INPP4B: variants seen among roughly 807,000 people sequenced by gnomAD.
INPP4B encodes the protein inositol polyphosphate 4-phosphatase type II.
In INPP4B, 55 loss-of-function variants were observed where a neutral mutation model predicts 122.5. The ratio of observed to expected loss-of-function variants is 0.45; its 90% CI spans 0.36 to 0.56. The LOEUF is 0.56. Among genes scored for constraint, INPP4B ranks in the 20% least tolerant of loss-of-function variants. The pLI is 0.00. For synonymous variants in INPP4B, 403 were observed against 388.7 expected, an observed-to-expected ratio of 1.04 and a Z score of -0.43; for missense variants, 1,000 against 1,097.7, an observed-to-expected ratio of 0.91 and a Z score of 1.26.
At chr4:142,065,678 G>T (rs1374275059) in intron 25 of INPP4B, among the ~76,000 whole-genome samples, 1 of 152,296 alleles carries the variant, frequency 6.6e-6, no homozygotes, top group South Asian at 2.1e-4. Context: ...GGGCTGGGGG[G>T]ATGGCATTTG....
chr4:142,712,412 T>C (rs1020786952), intron 2 of INPP4B, among the ~76,000 whole-genome samples: 1 of 152,228 alleles, frequency 6.6e-6, no homozygotes, highest in African/African-American at 2.4e-5. Context: ...TGCAGATACC[T>C]ATACATGAGC....
rs375923393 is a variant in INPP4B at position 142,226,292 on chromosome 4, T to A, written c.836+11572A>T. 3.3e-5 allele frequency among the ~76,000 whole-genome samples: 5 copies of A among 151,048 alleles called. No individual in the cohort carries two copies. In the East Asian group the frequency reaches 9.6e-4, roughly 29 times the overall value. ...ATACACATAGGATCTCTATGCTGTT[T>A]TCAACATAAACTGTTGCTGTTGCTG... On this transcript the variant is annotated intron_variant, in intron 12 of 25. Transcript: ENST00000262992.
intron 1 of INPP4B, among the ~76,000 whole-genome samples, chr4:142,796,507 A>T (rs923471234): frequency 6.6e-6 from 1 of 151,984 alleles, no homozygotes; most frequent in Non-Finnish European, 1.5e-5. Flanking sequence ...GGTTGATAGC[A>T]GGCAAAAGGG....
chr4:142,432,568 C>T (rs1363893718), intron 3 of INPP4B, among the ~76,000 whole-genome samples: 3 of 152,064 alleles, frequency 2.0e-5, no homozygotes, highest in African/African-American at 7.2e-5. Flanking sequence ...AATAATAAAG[C>T]TTGAACAGCG....
rs112355595 is a variant in INPP4B at position 142,493,764 on chromosome 4, CT to C, written c.-190-31039del. Among the ~76,000 whole-genome samples, 1,087 of 152,146 alleles carry C rather than the reference CT, an allele frequency of 7.1e-3. 15 individuals carry two copies. Among genetic ancestry groups the C allele is most frequent in the African/African-American group, 0.025 (1,029 of 41,506 alleles). ...CTCAGATGAGACTTTGGACTTGTAC[CT>C]TTGGGTTAATGCTTGAATGAGCTAA... On this transcript the variant is annotated intron_variant, in intron 2 of 25. Coordinates refer to ENST00000262992, the MANE Select transcript of INPP4B (RefSeq NM_001101669.3).
chr4:142,325,732 C>T (rs937197140), intron 7 of INPP4B, among the ~76,000 whole-genome samples: 8 of 152,096 alleles, frequency 5.3e-5, no homozygotes, highest in African/African-American at 9.7e-5. Context: ...TAATTGGTGG[C>T]GCTTTAAAAC....
intron 15 of INPP4B, among the ~76,000 whole-genome samples, chr4:142,190,584 A>T (rs1835344614): frequency 6.6e-6 from 1 of 152,092 alleles, no homozygotes; most frequent in African/African-American, 2.4e-5. Flanking sequence ...GTTGTTTTTT[A>T]TTTCTTTTAA....
intron 3 of INPP4B, among the ~76,000 whole-genome samples, chr4:142,458,546 A>G (rs1219521367): frequency 1.3e-5 from 2 of 152,150 alleles, no homozygotes; most frequent in Non-Finnish European, 2.9e-5. Flanking sequence ...AAACAGCCTA[A>G]GAGAGGAACA....
chr4:142,068,800 C>A (rs1254577509), intron 25 of INPP4B, among the ~76,000 whole-genome samples: 1 of 151,270 alleles, frequency 6.6e-6, no homozygotes, highest in Non-Finnish European at 1.5e-5. Flanking sequence ...AATATATATG[C>A]ACCCAATACA....
chr4:142,201,708 A>T (rs975128904), intron 14 of INPP4B, among the ~76,000 whole-genome samples: 5 of 152,110 alleles, frequency 3.3e-5, no homozygotes, highest in African/African-American at 9.7e-5. Flanking sequence ...TACAAGAAAA[A>T]AAAATAACCT....
chr4:142,751,430 A>G (rs1346576398), intron 1 of INPP4B, among the ~76,000 whole-genome samples: 4 of 152,100 alleles, frequency 2.6e-5, no homozygotes, highest in Non-Finnish European at 5.9e-5. Flanking sequence ...TTAAACAGGC[A>G]AACAAGATGT....
intron 18 of INPP4B, among the ~76,000 whole-genome samples, chr4:142,144,091 A>G (rs1489218170): frequency 3.9e-5 from 6 of 151,982 alleles, no homozygotes; most frequent in Non-Finnish European, 7.4e-5. Flanking sequence ...GTTTTAGACT[A>G]TATGTACACA....
At chr4:142,097,974 G>A (rs1782715803) in intron 23 of INPP4B, among the ~76,000 whole-genome samples, 1 of 152,106 alleles carries the variant, frequency 6.6e-6, no homozygotes, top group Non-Finnish European at 1.5e-5. Context: ...TAATGTAAGT[G>A]ACATATTGCA....
At position 142,696,159 on chromosome 4, in the gene INPP4B, C is replaced by T. The variant is rs1336370171; in HGVS notation, c.-191+29680G>A. Among the ~76,000 whole-genome samples, 4 of 152,074 alleles carry T rather than the reference C, an allele frequency of 2.6e-5. No individual in the cohort carries two copies. In the East Asian group the frequency reaches 5.8e-4, roughly 22 times the overall value. ...CAGTCCAGGAAGTCAAATAATGACA[C>T]CAGCATATTCGATGGATTAAGGCAC... is the stretch of plus-strand genomic sequence containing the variant. On this transcript the variant is annotated intron_variant, in intron 2 of 25. Transcript: ENST00000262992.
At chr4:142,650,789 A>G (rs1199004285) in intron 2 of INPP4B, among the ~76,000 whole-genome samples, 3 of 152,224 alleles carry the variant, frequency 2.0e-5, no homozygotes, top group Non-Finnish European at 4.4e-5. Context: ...TTAACACCCC[A>G]CTGTCAATAT....
At chr4:142,818,217 A>C (rs1287951212) in intron 1 of INPP4B, among the ~76,000 whole-genome samples, 3 of 151,842 alleles carry the variant, frequency 2.0e-5, no homozygotes, top group Non-Finnish European at 4.4e-5. Flanking sequence ...AGTCCCCCCT[A>C]CTCCCCTGCC....
chr4:142,375,336 C>T (rs4956319), intron 7 of INPP4B, among the ~76,000 whole-genome samples: 4,205 of 150,006 alleles, frequency 0.028, 83 homozygotes, highest in Non-Finnish European at 0.044. Context: ...TCTTTTCATT[C>T]TCCATATGTC....
intron 2 of INPP4B, among the ~76,000 whole-genome samples, chr4:142,681,076 T>C (rs1222007292): frequency 1.3e-5 from 2 of 151,842 alleles, no homozygotes; most frequent in African/African-American, 2.4e-5. Flanking sequence ...GCTGGGGCGG[T>C]TGAGTTTTCA....
chr4:142,701,826 A>G (rs953078604), intron 2 of INPP4B, among the ~76,000 whole-genome samples: 5 of 152,232 alleles, frequency 3.3e-5, no homozygotes, highest in African/African-American at 1.2e-4. Flanking sequence ...GGTTGACTAC[A>G]CAGGTGAACT....
Sources: allele counts gnomAD v4.1 joint callset (sites outside exome capture counted in the v4.1 genomes callset), GRCh38; gene constraint gnomAD v4.1.1; transcripts MANE v1.5; gene names NCBI Gene and HGNC (gene_info 2026-07-23, HGNC 2026-07-21).